Variants in NEO1 observed in about 807,000 individuals in gnomAD.
NEO1 encodes the protein neogenin.
Under a neutral mutation model 159.7 loss-of-function variants are expected in NEO1, and 63 were observed. That is an observed-to-expected ratio of 0.39 (90% CI 0.32 to 0.49). NEO1 has a LOEUF of 0.49. Among genes scored for constraint, NEO1 ranks in the 20% least tolerant of loss-of-function variants. The pLI is 0.85. For synonymous variants in NEO1, 633 were observed against 662.0 expected (o/e 0.96, Z 0.67); for missense variants, 1,615 against 1,831.0 (o/e 0.88, Z 2.15).
intron 7 of NEO1, among the ~76,000 whole-genome samples, chr15:73,215,282 C>T (rs2037810396): frequency 6.6e-6 from 1 of 152,078 alleles, no homozygotes; most frequent in Non-Finnish European, 1.5e-5. Context: ...TTTCTCTTGT[C>T]TGATTTCTCT....
intron 5 of NEO1, among the ~76,000 whole-genome samples, chr15:73,137,722 C>T (rs1405749104): frequency 2.6e-5 from 4 of 152,192 alleles, no homozygotes; most frequent in Non-Finnish European, 5.9e-5. Context: ...GTCTCGAACT[C>T]CTGGGCTCAA....
intron 26 of NEO1, among the ~76,000 whole-genome samples, chr15:73,297,330 A>T (rs748259250): frequency 6.6e-6 from 1 of 152,330 alleles, no homozygotes; most frequent in African/African-American, 2.4e-5. Context: ...AGTTACTTTG[A>T]GGATCTAGTG....
chr15:73,122,279 C>T (rs2071712109), intron 2 of NEO1, among the ~76,000 whole-genome samples: 1 of 151,532 alleles, frequency 6.6e-6, no homozygotes, highest in Non-Finnish European at 1.5e-5. Context: ...ACTTATTCTA[C>T]CCATCTCCTT....
chr15:73,291,482 A>T (rs1369767058), intron 25 of NEO1, among the ~76,000 whole-genome samples: 1 of 152,114 alleles, frequency 6.6e-6, no homozygotes, highest in Admixed American at 6.5e-5. Flanking sequence ...CATAAGATCC[A>T]CTTGTGGTCT....
At chr15:73,269,916 C>A in intron 16 of NEO1, 94 bp from the exon 17 acceptor site, 1 of 970,654 alleles carries the variant, frequency 1.0e-6, no homozygotes, top group South Asian at 1.5e-5. Context: ...CATTTCTCAC[C>A]TTTCATTCCA....
chr15:73,122,700 C>T lies in NEO1; in HGVS notation c.624C>T (p.Ile208=). 1 of 1,614,146 alleles carries T rather than the reference C, an allele frequency of 6.2e-7. No individual in the cohort carries two copies. The highest frequency in any genetic ancestry group is 8.5e-7 in the Non-Finnish European group (1 of 1,180,010). ...AACTTCCAAGTGGAATGCTGGTTAT[C>T]AGCAATGCAACTGAAGGAGATGGCG... ...VIKLPSGMLV[I]SNATEGDGGL... Residue 208 remains isoleucine, a synonymous_variant, in exon 3 of 29, where the codon ATC becomes ATT. Transcript: ENST00000261908.
chr15:73,087,704 AT>A (rs2069443680), intron 1 of NEO1, among the ~76,000 whole-genome samples: 1 of 152,186 alleles, frequency 6.6e-6, no homozygotes, highest in South Asian at 2.1e-4. Flanking sequence ...TGATGAGAAT[AT>A]CATGTCTCAC....
chr15:73,149,121 C>A (rs967821095), intron 5 of NEO1, among the ~76,000 whole-genome samples: 3 of 151,966 alleles, frequency 2.0e-5, no homozygotes, highest in African/African-American at 7.3e-5. Flanking sequence ...TTGAGACCAT[C>A]CTGGCCAACA....
intron 7 of NEO1, among the ~76,000 whole-genome samples, chr15:73,183,322 A>C (rs1177919860): frequency 6.6e-6 from 1 of 152,070 alleles, no homozygotes; most frequent in Non-Finnish European, 1.5e-5. Flanking sequence ...AAACCTTCTG[A>C]TTTCATACGT....
intron 5 of NEO1, among the ~76,000 whole-genome samples, chr15:73,136,443 C>G (rs953687639): frequency 6.6e-6 from 1 of 151,982 alleles, no homozygotes; most frequent in African/African-American, 2.4e-5. Flanking sequence ...GGAAGATTCA[C>G]TTTTCTTGTC....
chr15:73,064,461 T>G (rs1386020033), intron 1 of NEO1, among the ~76,000 whole-genome samples: 2 of 152,200 alleles, frequency 1.3e-5, no homozygotes, highest in Admixed American at 1.3e-4. Flanking sequence ...TTATGTACTT[T>G]TATTAAAAAT....
At chr15:73,148,536 A>G (rs542470140) in intron 5 of NEO1, among the ~76,000 whole-genome samples, 1 of 152,204 alleles carries the variant, frequency 6.6e-6, no homozygotes, top group Non-Finnish European at 1.5e-5. Flanking sequence ...CCCGCTACCT[A>G]TTTCTACCCC....
At chr15:73,229,974 A>G (rs1044071632) in intron 7 of NEO1, among the ~76,000 whole-genome samples, 4 of 152,144 alleles carry the variant, frequency 2.6e-5, no homozygotes, top group African/African-American at 9.7e-5. Flanking sequence ...ATCATAAGGG[A>G]TACTGGTCTG....
chr15:73,052,711 C>A lies in NEO1; in HGVS notation c.36C>A (p.Ser12Arg). The change falls in exon 1 of 29, where the codon AGC becomes AGA. Residue 12 changes from serine to arginine, a missense_variant. Ser to Arg is a moderately radical substitution (Grantham distance 110). Transcript: ENST00000261908. The stretch of plus-strand genomic sequence containing the variant: ...AGCGGGGAGCCCGGCGACTCCTCAG[C>A]ACCCCCTCCTTCTGGCTCTACTGCC... Reference protein sequence around the residue: ...AAERGARRLLSTPSFWLYCLL... With the variant: ...AAERGARRLLRTPSFWLYCLL... 7.3e-7 allele frequency: 1 copy of A among 1,363,046 alleles called. No homozygotes were observed. The highest frequency in any genetic ancestry group is 9.5e-7 in the Non-Finnish European group (1 of 1,050,566). The allele number at this position is 1,363,046 out of a possible 1,614,324, so 84.4% of individuals were successfully genotyped here.
Position 73,176,488 on chromosome 15 carries a change from A to G in NEO1, c.1101A>G (p.Lys367=). Residue 367 remains lysine, a synonymous_variant, in exon 6 of 29, where the codon AAA becomes AAG. Coordinates refer to ENST00000261908, the MANE Select transcript of NEO1 (RefSeq NM_002499.4). The part of the protein sequence containing the change: ...DIVFECEVTG[K]PTPTVKWVKN... Reference sequence around the variant, plus strand: ...TATTTGAATGTGAAGTGACTGGAAAACCAACTCCAACTGTGAAGTGGGTCA... The same window carrying G: ...TATTTGAATGTGAAGTGACTGGAAAGCCAACTCCAACTGTGAAGTGGGTCA... 1 of 1,612,474 alleles carries G rather than the reference A, an allele frequency of 6.2e-7. No individual in the cohort carries two copies. Among genetic ancestry groups the G allele is most frequent in the South Asian group, 1.1e-5 (1 of 90,758 alleles).
intron 1 of NEO1, among the ~76,000 whole-genome samples, chr15:73,062,905 A>G (rs1235575771): frequency 6.6e-6 from 1 of 152,202 alleles, no homozygotes; most frequent in African/African-American, 2.4e-5. Flanking sequence ...CTCACAGGTT[A>G]TCTGATAGAG....
At chr15:73,249,437 C>A (rs926876801) in intron 10 of NEO1, 146 bp from the exon 11 acceptor site, 2 of 979,780 alleles carry the variant, frequency 2.0e-6, no homozygotes, top group Middle Eastern at 3.3e-4. Flanking sequence ...ATTTATGATT[C>A]ATCTGCTTTG....
chr15:73,282,869 G>T, intron 22 of NEO1, 95 bp from the exon 23 acceptor site: 1 of 1,413,664 alleles, frequency 7.1e-7, no homozygotes, highest in Non-Finnish European at 9.6e-7. Context: ...GTGTTATCAA[G>T]AAGTTCACGT....
intron 7 of NEO1, among the ~76,000 whole-genome samples, chr15:73,203,771 A>G (rs957783358): frequency 2.0e-5 from 3 of 152,110 alleles, no homozygotes; most frequent in African/African-American, 4.8e-5. Flanking sequence ...CATCCCTTGT[A>G]ATAGTGCTGT....
Sources: gnomAD v4.1 joint callset for allele counts (sites outside exome capture counted in the v4.1 genomes callset) on GRCh38, gnomAD v4.1.1 for gene constraint, MANE v1.5 for transcripts, NCBI Gene and HGNC (gene_info 2026-07-23, HGNC 2026-07-21) for gene names.